The following ZNF385B variants were observed in gnomAD, a reference collection of about 807,000 sequenced individuals.
The protein encoded by ZNF385B is zinc finger protein 385B, also known as zinc finger protein 533.
Under a neutral mutation model 39.2 loss-of-function variants are expected in ZNF385B, and 23 were observed. The observed-to-expected ratio is 0.59, with a 90% CI of 0.42 to 0.83. The LOEUF is 0.83. ZNF385B is among the 40% of genes least tolerant of loss of function. The pLI is 0.00. For missense variants in ZNF385B, 552 were observed against 598.9 expected (o/e 0.92, Z 0.82); for synonymous variants, 205 against 222.6 (o/e 0.92, Z 0.70).
chr2:179,741,267 CCA>C (rs1287900841), intron 3 of ZNF385B, among the ~76,000 whole-genome samples: 2 of 152,136 alleles, frequency 1.3e-5, no homozygotes, highest in Admixed American at 6.6e-5. Context: ...TCTCCTAACA[CCA>C]CATTCTGTTA....
intron 5 of ZNF385B, among the ~76,000 whole-genome samples, chr2:179,516,943 G>A (rs945613669): frequency 1.3e-5 from 2 of 151,804 alleles, no homozygotes; most frequent in Non-Finnish European, 2.9e-5. Flanking sequence ...TAGTCAAGGC[G>A]TTTTTTGAAT....
At chr2:179,526,658 T>C (rs1456950742) in intron 4 of ZNF385B, among the ~76,000 whole-genome samples, 2 of 152,096 alleles carry the variant, frequency 1.3e-5, no homozygotes, top group African/African-American at 4.8e-5. Context: ...AGGGAGTGCA[T>C]GCACCATGGG....
chr2:179,571,810 C>G (rs1043166670), intron 3 of ZNF385B, among the ~76,000 whole-genome samples: 3 of 152,008 alleles, frequency 2.0e-5, no homozygotes, highest in Admixed American at 1.3e-4. Context: ...CTCTTAGACA[C>G]AACCCTCCTC....
intron 3 of ZNF385B, among the ~76,000 whole-genome samples, chr2:179,673,449 A>T (rs1424546168): frequency 6.6e-6 from 1 of 152,202 alleles, no homozygotes; most frequent in African/African-American, 2.4e-5. Flanking sequence ...TGGATAGTAG[A>T]CCCCATAATG....
chr2:179,695,881 T>C (rs1698698901), intron 3 of ZNF385B, among the ~76,000 whole-genome samples: 1 of 152,308 alleles, frequency 6.6e-6, no homozygotes, highest in South Asian at 2.1e-4. Flanking sequence ...AAATGTGGCA[T>C]ATGTATACAA....
chr2:179,759,505 T>C (rs967339227), intron 3 of ZNF385B, among the ~76,000 whole-genome samples: 2 of 152,178 alleles, frequency 1.3e-5, no homozygotes, highest in African/African-American at 2.4e-5. Flanking sequence ...TGCAAAGGGA[T>C]CTTCCTCTTT....
intron 1 of ZNF385B, among the ~76,000 whole-genome samples, chr2:179,795,873 A>T (rs920275891): frequency 1.3e-5 from 2 of 152,198 alleles, no homozygotes; most frequent in Non-Finnish European, 2.9e-5. Context: ...ATATATCTTG[A>T]AGCCATTCAG....
chr2:179,463,496 C>T lies in ZNF385B; in HGVS notation c.716-16726G>A, dbSNP rs960615537. 2.6e-5 allele frequency among the ~76,000 whole-genome samples: 4 copies of T among 152,184 alleles called. No homozygotes were observed. In the East Asian group the frequency reaches 7.7e-4, roughly 29 times the overall value. On this transcript the variant is annotated intron_variant, in intron 6 of 9. Transcript: ENST00000410066. ...TTAGGTATTTCTCCTAATGTTATCCCTCCCCTAGCCCCCAACTCCCCAACA... is the reference window on the plus strand; with the variant it reads ...TTAGGTATTTCTCCTAATGTTATCCTTCCCCTAGCCCCCAACTCCCCAACA...
chr2:179,737,967 T>C (rs903158104), intron 3 of ZNF385B, among the ~76,000 whole-genome samples: 8 of 152,182 alleles, frequency 5.3e-5, no homozygotes, highest in African/African-American at 1.7e-4. Context: ...TGCATTACCT[T>C]TGAAATTTAA....
At chr2:179,631,662 C>T (rs1691230927) in intron 3 of ZNF385B, among the ~76,000 whole-genome samples, 1 of 152,100 alleles carries the variant, frequency 6.6e-6, no homozygotes, top group Non-Finnish European at 1.5e-5. Context: ...ATCAAATTCA[C>T]ACATAACAAT....
chr2:179,659,917 C>A (rs1012569862), intron 3 of ZNF385B, among the ~76,000 whole-genome samples: 1 of 152,146 alleles, frequency 6.6e-6, no homozygotes, highest in Non-Finnish European at 1.5e-5. Context: ...AATTGCCAAA[C>A]CTTGTCACCT....
At chr2:179,490,374 A>G (rs755905231) in intron 5 of ZNF385B, among the ~76,000 whole-genome samples, 12 of 152,058 alleles carry the variant, frequency 7.9e-5, no homozygotes, top group Non-Finnish European at 1.5e-4. Context: ...GAAAACTTCA[A>G]TGTAGGCAAA....
chr2:179,613,137 G>A (rs77654132), intron 3 of ZNF385B, among the ~76,000 whole-genome samples: 1 of 152,132 alleles, frequency 6.6e-6, no homozygotes, highest in African/African-American at 2.4e-5. Context: ...TGGGCAATGG[G>A]CTCCCCTATG....
intron 6 of ZNF385B, among the ~76,000 whole-genome samples, chr2:179,453,486 G>C (rs752865785): frequency 6.6e-6 from 1 of 152,148 alleles, no homozygotes; most frequent in Non-Finnish European, 1.5e-5. Context: ...CTGGTTGGGA[G>C]CTTCTGAATC....
intron 4 of ZNF385B, among the ~76,000 whole-genome samples, chr2:179,528,102 C>G (rs542678509): frequency 1.3e-5 from 2 of 152,118 alleles, no homozygotes; most frequent in Non-Finnish European, 2.9e-5. Context: ...AAACACTCTT[C>G]CATGATTTAG....
At chr2:179,732,640 A>T (rs1701470476) in intron 3 of ZNF385B, among the ~76,000 whole-genome samples, 2 of 152,238 alleles carry the variant, frequency 1.3e-5, no homozygotes, top group South Asian at 2.1e-4. Context: ...TTAAACAAAA[A>T]GAATGAGTTA....
chr2:179,604,726 T>C (rs1441770144), intron 3 of ZNF385B, among the ~76,000 whole-genome samples: 1 of 152,070 alleles, frequency 6.6e-6, no homozygotes, highest in Non-Finnish European at 1.5e-5. Flanking sequence ...AGGCTGTTTT[T>C]GAGCAAACTT....
At chr2:179,572,428 A>T (rs1347250343) in intron 3 of ZNF385B, among the ~76,000 whole-genome samples, 3 of 152,054 alleles carry the variant, frequency 2.0e-5, no homozygotes, top group African/African-American at 7.2e-5. Context: ...GATATGGCAA[A>T]GGCTGGGTGG....
chr2:179,670,033 T>C (rs1440651905), intron 3 of ZNF385B, among the ~76,000 whole-genome samples: 1 of 152,038 alleles, frequency 6.6e-6, no homozygotes, highest in Non-Finnish European at 1.5e-5. Flanking sequence ...GGCTCACGCT[T>C]GTAATCCCAG....
Sources: gnomAD v4.1 joint callset for allele counts (sites outside exome capture counted in the v4.1 genomes callset) on GRCh38, gnomAD v4.1.1 for gene constraint, MANE v1.5 for transcripts, NCBI Gene and HGNC (gene_info 2026-07-23, HGNC 2026-07-21) for gene names.